Variants in TRHDE observed in about 807,000 individuals in gnomAD.
The protein encoded by TRHDE is thyrotropin-releasing hormone-degrading ectoenzyme.
A neutral mutation model predicts 125.7 loss-of-function variants in TRHDE; 72 were observed. The observed-to-expected ratio is 0.57, with a 90% CI of 0.47 to 0.70. The LOEUF (loss-of-function observed/expected upper bound fraction) is 0.70, where lower values mean the gene tolerates loss of function less well. TRHDE is among the 30% of genes least tolerant of loss of function. The pLI is 0.00. For synonymous variants in TRHDE, 509 were observed against 509.1 expected, an observed-to-expected ratio of 1.00 and a Z score of 0.00; for missense variants, 1,110 against 1,327.1, an observed-to-expected ratio of 0.84 and a Z score of 2.54.
chr12:72,402,279 C>A (rs965423548), intron 3 of TRHDE, among the ~76,000 whole-genome samples: 6 of 149,894 alleles, frequency 4.0e-5, no homozygotes, highest in Admixed American at 1.3e-4. Flanking sequence ...AAAAAAAAAA[C>A]CGCAAAAAAA....
intron 3 of TRHDE, among the ~76,000 whole-genome samples, chr12:72,462,874 C>T (rs1318051031): frequency 2.6e-5 from 4 of 152,174 alleles, no homozygotes; most frequent in African/African-American, 9.7e-5. Context: ...GGAACATGAG[C>T]TTGGACACAG....
At chr12:72,574,668 G>T (rs918012849) in intron 10 of TRHDE, among the ~76,000 whole-genome samples, 1 of 152,050 alleles carries the variant, frequency 6.6e-6, no homozygotes, top group Non-Finnish European at 1.5e-5. Context: ...CCAATAAGCA[G>T]AATTTATTAT....
chr12:72,597,396 G>A (rs909521306), intron 12 of TRHDE, among the ~76,000 whole-genome samples: 3 of 151,930 alleles, frequency 2.0e-5, no homozygotes, highest in African/African-American at 4.8e-5. Context: ...GGCCAGGCAT[G>A]GTGGCTCATG....
chr12:72,380,861 TTCTC>T (rs557365651), intron 3 of TRHDE, among the ~76,000 whole-genome samples: 2 of 141,958 alleles, frequency 1.4e-5, no homozygotes, highest in Non-Finnish European at 3.1e-5. Flanking sequence ...CTCTCTCTCT[TTCTC>T]TCTCTCTCTC....
intron 15 of TRHDE, among the ~76,000 whole-genome samples, chr12:72,637,895 A>T (rs1197401894): frequency 2.7e-4 from 41 of 151,998 alleles, no homozygotes; most frequent in African/African-American, 9.7e-4. Flanking sequence ...CTGTTCTTTT[A>T]CATTTGCTGA....
At chr12:72,435,928 T>C (rs1874723972) in intron 3 of TRHDE, among the ~76,000 whole-genome samples, 1 of 151,972 alleles carries the variant, frequency 6.6e-6, no homozygotes, top group Non-Finnish European at 1.5e-5. Context: ...AAAGTATAAA[T>C]GATAAAGGTG....
intron 3 of TRHDE, among the ~76,000 whole-genome samples, chr12:72,386,368 G>T (rs149522093): frequency 6.6e-6 from 1 of 151,930 alleles, no homozygotes; most frequent in African/African-American, 2.4e-5. Flanking sequence ...CTTATACTCC[G>T]CTGTTTCCCC....
chr12:72,551,394 T>C (rs935987517), intron 7 of TRHDE, among the ~76,000 whole-genome samples: 20 of 152,182 alleles, frequency 1.3e-4, no homozygotes, highest in Non-Finnish European at 2.6e-4. Context: ...TCACCTTCTC[T>C]CTTCTGCTCA....
chr12:72,247,955 AATCT>A (rs1196051028), intron 2 of TRHDE, among the ~76,000 whole-genome samples: 1 of 152,010 alleles, frequency 6.6e-6, no homozygotes, highest in East Asian at 1.9e-4. Context: ...ATCATCTATC[AATCT>A]GTCATATCTA....
chr12:72,234,115 C>A (rs1592493753), intron 2 of TRHDE, among the ~76,000 whole-genome samples: 1 of 152,118 alleles, frequency 6.6e-6, no homozygotes, highest in African/African-American at 2.4e-5. Context: ...GTAAAGCTTG[C>A]TGATGAGATA....
At chr12:72,253,919 A>C (rs1325408254) in intron 2 of TRHDE, 1 of 152,084 alleles carries the variant, frequency 6.6e-6, no homozygotes, top group Non-Finnish European at 1.5e-5. Context: ...AAGTATTATA[A>C]ATGAAATTCA....
At chr12:72,131,673 C>G (rs940533057) in intron 2 of TRHDE, among the ~76,000 whole-genome samples, 1 of 152,192 alleles carries the variant, frequency 6.6e-6, no homozygotes, top group Non-Finnish European at 1.5e-5. Context: ...CTGGCGACAG[C>G]TCTTTTGAGA....
chr12:72,463,815 C>G (rs1229153808), intron 3 of TRHDE, among the ~76,000 whole-genome samples: 1 of 152,154 alleles, frequency 6.6e-6, no homozygotes, highest in Non-Finnish European at 1.5e-5. Context: ...GAGTGCATTT[C>G]TAGCTTACAA....
intron 12 of TRHDE, among the ~76,000 whole-genome samples, chr12:72,613,494 C>T (rs1872703839): frequency 6.6e-6 from 1 of 152,132 alleles, no homozygotes; most frequent in South Asian, 2.1e-4. Flanking sequence ...AAAGCTATGA[C>T]ATTATTGCCA....
intron 2 of TRHDE, among the ~76,000 whole-genome samples, chr12:72,231,811 T>A (rs934545163): frequency 1.3e-5 from 2 of 152,158 alleles, no homozygotes; most frequent in Non-Finnish European, 2.9e-5. Flanking sequence ...TATGGAGTGA[T>A]GACAAGGGGT....
chr12:72,162,073 A>C (rs1876650375), intron 2 of TRHDE, among the ~76,000 whole-genome samples: 1 of 152,220 alleles, frequency 6.6e-6, no homozygotes, highest in East Asian at 1.9e-4. Flanking sequence ...GACAGAGAGA[A>C]AGTATGGCAA....
chr12:72,364,850 G>A (rs1428334976), intron 2 of TRHDE, among the ~76,000 whole-genome samples: 1 of 152,082 alleles, frequency 6.6e-6, no homozygotes, highest in Admixed American at 6.6e-5. Flanking sequence ...GCTGTACCTG[G>A]CTGTCAGTCT....
chr12:72,592,868 G>T (rs1871750746), intron 12 of TRHDE, among the ~76,000 whole-genome samples: 2 of 151,976 alleles, frequency 1.3e-5, no homozygotes, highest in South Asian at 2.1e-4. Context: ...CTGCCACTAT[G>T]CCCGGCTAAT....
intron 3 of TRHDE, among the ~76,000 whole-genome samples, chr12:72,448,679 A>C (rs1307286551): frequency 1.3e-5 from 2 of 150,660 alleles, no homozygotes; most frequent in Admixed American, 1.3e-4. Flanking sequence ...AAAGTGTCTT[A>C]GAGTATGTAA....
Sources: gnomAD v4.1 joint callset for allele counts (sites outside exome capture counted in the v4.1 genomes callset) on GRCh38, gnomAD v4.1.1 for gene constraint, MANE v1.5 for transcripts, NCBI Gene and HGNC (gene_info 2026-07-23, HGNC 2026-07-21) for gene names.